Variants in CROCC observed in about 807,000 individuals in gnomAD.
The protein encoded by CROCC is rootletin.
CROCC carries 180 observed loss-of-function variants against 245.2 expected under a neutral mutation model. That is an observed-to-expected ratio of 0.73 (90% confidence interval 0.65 to 0.83). CROCC has a LOEUF of 0.83. Among genes scored for constraint, CROCC ranks in the 40% least tolerant of loss-of-function variants. The probability of loss-of-function intolerance (pLI) is 0.00; values close to 1 mark genes in which losing one functional copy is unlikely to be tolerated. For missense variants in CROCC, 2,688 were observed against 2,779.4 expected, an observed-to-expected ratio of 0.97 and a Z score of 0.74; for synonymous variants, 1,205 against 1,241.6, an observed-to-expected ratio of 0.97 and a Z score of 0.62.
At chr1:16,927,868 T>G (rs1486378229) in intron 3 of CROCC, among the ~76,000 whole-genome samples, 6 of 152,280 alleles carry the variant, frequency 3.9e-5, no homozygotes, top group Admixed American at 3.3e-4. Flanking sequence ...ACTGTGTTCC[T>G]CCAGACTCAG....
chr1:16,915,997 A>ATG (rs2075298937), intron 1 of CROCC, among the ~76,000 whole-genome samples: 1 of 152,206 alleles, frequency 6.6e-6, no homozygotes, highest in African/African-American at 2.4e-5. Context: ...TGGCCAATAC[A>ATG]GTGAAACCTC....
At chr1:16,946,460 G>T in intron 16 of CROCC, 55 bp downstream of exon 16, 1 of 1,589,354 alleles carries the variant, frequency 6.3e-7, no homozygotes, top group Non-Finnish European at 8.6e-7. Context: ...TCCCCACTCA[G>T]TGAGGCACCC....
At chr1:16,921,853 C>T (rs1267857929), upstream of CROCC, 4 of 689,288 alleles carry the variant, frequency 5.8e-6, no homozygotes, top group African/African-American at 7.1e-5. Context: ...CCCTCCTCAG[C>T]CCACATCCTG....
intron 1 of CROCC, 108 bp downstream of exon 1, chr1:16,922,186 G>C: frequency 8.7e-7 from 1 of 1,152,220 alleles, no homozygotes; most frequent in East Asian, 2.7e-5. Context: ...GGAGAGGTGT[G>C]GTGGTGGTGG....
chr1:16,919,203 T>C (rs1386593965), upstream of CROCC, among the ~76,000 whole-genome samples: 70 of 152,390 alleles, frequency 4.6e-4, no homozygotes, highest in African/African-American at 1.7e-3. Flanking sequence ...CGTGGCATTC[T>C]GGGTCTGACC....
Position 16,946,166 on chromosome 1 carries a change from C to G in CROCC, c.2137-93C>G, listed in dbSNP as rs535076115. On this transcript the variant is annotated intron_variant, in intron 15 of 36. Coordinates refer to ENST00000375541, the MANE Select transcript of CROCC (RefSeq NM_014675.5). The stretch of plus-strand genomic sequence containing the variant: ...CCTCCTTGTCTCCCCTACCCTGTCT[C>G]TGAGGGTCCATCTCTCTGGGTCTCT... The G allele has an allele frequency of 2.4e-5, 33 of 1,396,774 alleles. No individual in the cohort carries two copies. The African/African-American group carries it at 4.5e-4, about 19-fold the overall frequency. The allele number at this position is 1,396,774 out of a possible 1,614,324, so 86.5% of individuals were successfully genotyped here.
At position 16,929,917 on chromosome 1, in the gene CROCC, C is replaced by T. The variant is rs112455398; in HGVS notation, c.423C>T (p.Ser141=). The T allele has an allele frequency of 5.0e-5, 80 of 1,588,790 alleles. No homozygotes were observed. Among genetic ancestry groups the T allele is most frequent in the East Asian group, 2.0e-4 (9 of 44,252 alleles). Residue 141 remains serine, a synonymous_variant, in exon 4 of 37, where the codon AGC becomes AGT. Transcript: ENST00000375541. ...AGCCCAGGGGGCTGGTACGGCAGAG[C>T]GTGGAGTTGCGGAGGCAGCTGCAGG... ...TQEPRGLVRQ[S]VELRRQLQEE...
In CROCC at chr1:16,972,411, C is replaced by T. The variant is rs1488615274; in HGVS notation, c.6019C>T (p.Pro2007Ser). 9 of 1,613,634 alleles carry T rather than the reference C, an allele frequency of 5.6e-6. No homozygotes were observed. The Admixed American group carries it at 1.2e-4, about 21-fold the overall frequency. ...LQQELRRSSAPFSPPSGPPEK is the reference protein window; with the variant it reads ...LQQELRRSSASFSPPSGPPEK ...GCAGGAGCTTCGAAGGAGCTCAGCA[C>T]CCTTCTCCCCACCCTCCGGCCCCCC... is the stretch of plus-strand genomic sequence containing the variant. Residue 2007 changes from proline to serine, a missense_variant, in exon 37 of 37, where the codon CCC becomes TCC. Pro to Ser is a moderately conservative substitution (Grantham distance 74). Transcript: ENST00000375541.
chr1:16,926,137 G>T (rs531702684), intron 3 of CROCC, among the ~76,000 whole-genome samples: 2 of 152,370 alleles, frequency 1.3e-5, no homozygotes, highest in East Asian at 1.9e-4. Context: ...GTTAGTGGGG[G>T]CCCAAATGGC....
chr1:16,968,052 C>T (rs776251774), intron 30 of CROCC, 151 bp from the exon 31 acceptor site: 4 of 699,910 alleles, frequency 5.7e-6, no homozygotes, highest in Admixed American at 2.7e-5. Flanking sequence ...ATGGGGAGAC[C>T]GAGGACCCCA....
chr1:16,929,032 A>G (rs1360271956), intron 3 of CROCC, among the ~76,000 whole-genome samples: 1 of 152,216 alleles, frequency 6.6e-6, no homozygotes, highest in Non-Finnish European at 1.5e-5. Flanking sequence ...TCATCACGTT[A>G]GCCAGGCTGG....
chr1:16,914,360 G>A (rs1394095082), intron 1 of CROCC, among the ~76,000 whole-genome samples: 3 of 152,232 alleles, frequency 2.0e-5, no homozygotes, highest in Non-Finnish European at 2.9e-5. Context: ...ATTGTCGCGG[G>A]CCGGGGGCAC....
chr1:16,961,106 C>A lies in CROCC; in HGVS notation c.4381C>A (p.Pro1461Thr). The A allele has an allele frequency of 7.3e-7, 1 of 1,360,558 alleles. No individual in the cohort carries two copies. Among genetic ancestry groups the A allele is most frequent in the South Asian group, 1.7e-5 (1 of 58,300 alleles). 84.3% of individuals were successfully genotyped at this position (1,360,558 alleles called of 1,614,324 possible). A position where few individuals can be genotyped will look rare whatever the true frequency, so the allele number is the denominator to read the frequency against. The change falls in exon 27 of 37, where the codon CCT (proline) becomes ACT (threonine). Residue 1461 changes from proline to threonine, a missense_variant. Transcript: ENST00000375541. ...AGCCCCGCGGCCAGTGCCCGGTTCC[C>A]CTGCCCGGGACGCACCCGCAGAAGG... is the stretch of plus-strand genomic sequence containing the variant. ...SPAPRPVPGS[P>T]ARDAPAEGSG... is the part of the protein sequence containing the mutation.
At position 16,972,524 on chromosome 1, in the gene CROCC, G is replaced by T; in HGVS notation, c.*78G>T. The stretch of plus-strand genomic sequence containing the variant: ...TTCTTTTGGACAGCCCCCCCACCCA[G>T]AGCCCGGTCCCTTGGGGGCCTCAAG... On this transcript the variant is annotated 3_prime_UTR_variant, in exon 37 of 37. Coordinates refer to ENST00000375541, the MANE Select transcript of CROCC (RefSeq NM_014675.5). The T allele has an allele frequency of 1.1e-6, 1 of 891,046 alleles. No individual in the cohort carries two copies. Among genetic ancestry groups the T allele is most frequent in the South Asian group, 1.8e-5 (1 of 54,868 alleles). The allele number at this position is 891,046 out of a possible 1,614,324, so 55.2% of individuals were successfully genotyped here. A position where few individuals can be genotyped will look rare whatever the true frequency, so the allele number is the denominator to read the frequency against.
At chr1:16,939,235 G>T in intron 12 of CROCC, 93 bp downstream of exon 12, 1 of 1,136,350 alleles carries the variant, frequency 8.8e-7, no homozygotes, top group South Asian at 2.0e-5. Flanking sequence ...GGCAGGTCCG[G>T]GGCCAGGGTC....
At chr1:16,938,834 C>T (rs1341865638) in intron 11 of CROCC, 75 bp from the exon 12 acceptor site, 2 of 1,434,318 alleles carry the variant, frequency 1.4e-6, no homozygotes, top group African/African-American at 1.4e-5. Context: ...CCAGCCTCAC[C>T]TGGGCGTCTT....
upstream of CROCC, among the ~76,000 whole-genome samples, chr1:16,921,483 TAC>T (rs2075404065): frequency 6.6e-6 from 1 of 152,290 alleles, no homozygotes; most frequent in African/African-American, 2.4e-5. Flanking sequence ...TTCTTTGCCC[TAC>T]ACCTGTTGTG....
At chr1:16,963,223 A>AG (rs1269832724) in intron 27 of CROCC, among the ~76,000 whole-genome samples, 1 of 148,848 alleles carries the variant, frequency 6.7e-6, no homozygotes, top group Non-Finnish European at 1.5e-5. Context: ...AAGCCAAGGT[A>AG]GGGGCTAGGG....
chr1:16,951,260 G>C, intron 20 of CROCC, 138 bp downstream of exon 20: 1 of 744,988 alleles, frequency 1.3e-6, no homozygotes, highest in South Asian at 3.6e-5. Context: ...AGGAGGACTG[G>C]GGGGATGGGG....
Sources: allele counts gnomAD v4.1 joint callset (sites outside exome capture counted in the v4.1 genomes callset), GRCh38; gene constraint gnomAD v4.1.1; transcripts MANE v1.5; gene names NCBI Gene and HGNC (gene_info 2026-07-23, HGNC 2026-07-21).